GRIK3: variants seen among roughly 807,000 people sequenced by gnomAD.
GRIK3 encodes the protein glutamate receptor ionotropic, kainate 3.
Under a neutral mutation model 102.5 loss-of-function variants are expected in GRIK3, and 29 were observed. The observed-to-expected ratio is 0.28, with a 90% CI of 0.21 to 0.39. The LOEUF is 0.39. Ranked by LOEUF, GRIK3 falls within the 10% of genes least tolerant of loss-of-function variation. GRIK3 has a pLI of 1.00. For missense variants in GRIK3, 908 were observed against 1,252.4 expected, an observed-to-expected ratio of 0.73 and a Z score of 4.15; for synonymous variants, 511 against 504.9, an observed-to-expected ratio of 1.01 and a Z score of -0.16.
In GRIK3 at chr1:36,940,003, C is replaced by T. The variant is rs137998766; in HGVS notation, c.116-48907G>A. ...ATCTACTGGTCCTAGGCACTATTCT[C>T]GGAGCTGGGTACACAGCTGTGAATA... On this transcript the variant is annotated intron_variant, in intron 1 of 15. Transcript: ENST00000373091. Among the ~76,000 whole-genome samples the T allele has an allele frequency of 8.5e-3, 1,299 of 152,322 alleles. 16 individuals carry two copies. Among genetic ancestry groups the T allele is most frequent in the Non-Finnish European group, 0.012 (814 of 68,028 alleles).
chr1:36,933,825 A>G (rs1440351023), intron 1 of GRIK3, among the ~76,000 whole-genome samples: 1 of 152,168 alleles, frequency 6.6e-6, no homozygotes, highest in Non-Finnish European at 1.5e-5. Flanking sequence ...TAGACCAGGT[A>G]AGTCCTGGGT....
chr1:36,810,902 T>C (rs2993077), intron 13 of GRIK3, among the ~76,000 whole-genome samples: 2,446 of 152,278 alleles, frequency 0.016, 59 homozygotes, highest in African/African-American at 0.056. Context: ...CGGCAGCACA[T>C]GCCTGAGGCT....
At chr1:36,957,457 GAGCCTA>G (rs1641929417) in intron 1 of GRIK3, among the ~76,000 whole-genome samples, 1 of 124,692 alleles carries the variant, frequency 8.0e-6, no homozygotes. Context: ...TGTGCCCTGT[GAGCCTA>G]TGTGCTCTGT....
intron 1 of GRIK3, among the ~76,000 whole-genome samples, chr1:36,957,564 T>TGAGC (rs1641934128): frequency 8.9e-6 from 1 of 112,488 alleles, no homozygotes. Context: ...GCCTGTGTGC[T>TGAGC]CTGTGAGTCT....
At chr1:36,971,449 A>T (rs1032590880) in intron 1 of GRIK3, among the ~76,000 whole-genome samples, 2 of 152,180 alleles carry the variant, frequency 1.3e-5, no homozygotes, top group Middle Eastern at 3.2e-3. Flanking sequence ...GTCTACCCCT[A>T]GACTGCCAAT....
At chr1:36,876,549 T>A (rs1006765718) in intron 3 of GRIK3, among the ~76,000 whole-genome samples, 1 of 152,224 alleles carries the variant, frequency 6.6e-6, no homozygotes, top group African/African-American at 2.4e-5. Context: ...ATCTCCAGAA[T>A]TCTTGTCAGT....
chr1:36,846,039 C>T (rs777894257), intron 9 of GRIK3, among the ~76,000 whole-genome samples: 22 of 152,252 alleles, frequency 1.4e-4, no homozygotes, highest in Non-Finnish European at 3.1e-4. Context: ...CACCATGGCT[C>T]ACATCGGCAG....
chr1:36,983,309 A>T (rs1234692779), intron 1 of GRIK3, among the ~76,000 whole-genome samples: 2 of 152,044 alleles, frequency 1.3e-5, no homozygotes, highest in Non-Finnish European at 2.9e-5. Context: ...GTAGGGCAAC[A>T]TCTATTCTGC....
At chr1:36,926,283 G>A (rs1326836412) in intron 1 of GRIK3, among the ~76,000 whole-genome samples, 3 of 152,210 alleles carry the variant, frequency 2.0e-5, no homozygotes, top group Non-Finnish European at 4.4e-5. Flanking sequence ...CAGGGGAAAG[G>A]CAATTGGGGA....
intron 1 of GRIK3, among the ~76,000 whole-genome samples, chr1:37,032,291 T>C (rs938678482): frequency 1.3e-5 from 2 of 152,110 alleles, no homozygotes; most frequent in African/African-American, 2.4e-5. Context: ...CTTCCATCCC[T>C]GAGGCTGGGC....
At chr1:36,979,215 C>T (rs56305621) in intron 1 of GRIK3, among the ~76,000 whole-genome samples, 3,725 of 152,342 alleles carry the variant, frequency 0.024, 123 homozygotes, top group African/African-American at 0.075. Context: ...CACCAGCCCT[C>T]GCTACAACAC....
At chr1:36,843,049 G>A (rs971697267) in intron 9 of GRIK3, among the ~76,000 whole-genome samples, 3 of 152,080 alleles carry the variant, frequency 2.0e-5, no homozygotes, top group African/African-American at 4.8e-5. Context: ...GCCTGGGACC[G>A]GATTTGAACA....
At chr1:36,861,054 G>C (rs1640718215) in intron 5 of GRIK3, among the ~76,000 whole-genome samples, 1 of 152,114 alleles carries the variant, frequency 6.6e-6, no homozygotes, top group African/African-American at 2.4e-5. Context: ...TGCCTTACAG[G>C]ACATTAATCC....
At chr1:36,985,865 C>T (rs753215462) in intron 1 of GRIK3, among the ~76,000 whole-genome samples, 12 of 152,228 alleles carry the variant, frequency 7.9e-5, no homozygotes, top group East Asian at 3.9e-4. Context: ...CTTCTCTGTC[C>T]GATCTCCCAC....
chr1:37,005,600 T>C (rs1452600373), intron 1 of GRIK3, among the ~76,000 whole-genome samples: 1 of 152,148 alleles, frequency 6.6e-6, no homozygotes, highest in Non-Finnish European at 1.5e-5. Flanking sequence ...CACAGAACGA[T>C]GGTGCACAAT....
intron 1 of GRIK3, among the ~76,000 whole-genome samples, chr1:36,982,534 C>T (rs1229633276): frequency 6.6e-6 from 1 of 152,190 alleles, no homozygotes; most frequent in East Asian, 1.9e-4. Context: ...AATAGATGTG[C>T]ATATGAACAA....
chr1:36,895,887 A>C (rs1641166657), intron 1 of GRIK3, among the ~76,000 whole-genome samples: 1 of 152,218 alleles, frequency 6.6e-6, no homozygotes, highest in African/African-American at 2.4e-5. Flanking sequence ...CCGAAGAAAA[A>C]TGCATCTTAT....
rs200273282 is a variant in GRIK3 at position 36,880,599 on chromosome 1, C to T, written c.550+35G>A. On this transcript the variant is annotated intron_variant, in intron 3 of 15. Transcript: ENST00000373091. This position sits in a 1 kb window ranked among gnomAD's most constrained non-coding sequence, Gnocchi z 5.4. ...ATCCTGGGCCTCTGCCCCCCTCAAC[C>T]GTTGCCCCCAGCCTAGCCAGGCCTG... The T allele has an allele frequency of 2.7e-5, 43 of 1,605,848 alleles. 1 individual carries two copies. Among genetic ancestry groups the T allele is most frequent in the African/African-American group, 1.9e-4 (14 of 74,890 alleles).
At chr1:36,968,160 C>T (rs1480792751) in intron 1 of GRIK3, among the ~76,000 whole-genome samples, 1 of 152,040 alleles carries the variant, frequency 6.6e-6, no homozygotes, top group Non-Finnish European at 1.5e-5. Context: ...GATGGGAGCA[C>T]TATTATTCAC....
Sources: gnomAD v4.1 joint callset for allele counts (sites outside exome capture counted in the v4.1 genomes callset) on GRCh38, gnomAD v4.1.1 for gene constraint, Gnocchi (gnomAD v3.1) non-coding constraint, MANE v1.5 for transcripts, NCBI Gene and HGNC (gene_info 2026-07-23, HGNC 2026-07-21) for gene names.